The following SHD variants were observed in gnomAD, a reference collection of about 807,000 sequenced individuals.
SHD encodes SH2 domain-containing adapter protein D.
SHD carries 29 observed loss-of-function variants against 31.2 expected under a neutral mutation model. The ratio of observed to expected loss-of-function variants is 0.93; its 90% CI spans 0.69 to 1.27. The LOEUF (loss-of-function observed/expected upper bound fraction) is 1.27, where lower values mean the gene tolerates loss of function less well. Ranked by LOEUF, SHD falls within the 50% of genes most tolerant of loss-of-function variation. SHD has a pLI of 0.00. For synonymous variants in SHD, 208 were observed against 187.8 expected (o/e 1.11, Z -0.88); for missense variants, 520 against 453.8 (o/e 1.15, Z -1.33).
At position 4,279,971 on chromosome 19, in the gene SHD, T is replaced by TCCACCTCCTCCTCCTCC; in HGVS notation, c.-92_-76dup. The TCCACCTCCTCCTCCTCC allele has an allele frequency of 7.1e-6, 10 of 1,410,076 alleles. No individual in the cohort carries two copies. Among genetic ancestry groups the TCCACCTCCTCCTCCTCC allele is most frequent in the Non-Finnish European group, 9.4e-6 (10 of 1,058,480 alleles). The allele number at this position is 1,410,076 out of a possible 1,614,324, so 87.3% of individuals were successfully genotyped here. On this transcript the variant is annotated 5_prime_UTR_variant, in exon 1 of 6. Transcript: ENST00000543264. The surrounding 1 kb of genome is among the most constrained non-coding windows in gnomAD (Gnocchi z 7.5). ...ATCCTTCCCTGCTCTTCCCTTCCTC[T>TCCACCTCCTCCTCCTCC]CCACCTCCTCCTCCTCCTTGGGGAA...
In SHD at chr19:4,283,232, G is replaced by A. The variant is rs201280245; in HGVS notation, c.582G>A (p.Arg194=). 3.1e-6 allele frequency: 5 copies of A among 1,611,918 alleles called. No individual in the cohort carries two copies. The highest frequency in any genetic ancestry group is 4.2e-6 in the Non-Finnish European group (5 of 1,178,226). The stretch of plus-strand genomic sequence containing the variant: ...AGTGGAAGAAAGACCACATCTCCAG[G>A]GCGTTTGCAGGTGCTTCTCAGACCC... ...PWEWKKDHIS[R]AFAVQFDSPE... Residue 194 remains arginine (R), a synonymous_variant, in exon 3 of 6, where the codon AGG becomes AGA. Transcript: ENST00000543264.
intron 5 of SHD, 51 bp downstream of exon 5, chr19:4,288,413 C>T: frequency 6.4e-7 from 1 of 1,568,938 alleles, no homozygotes. Flanking sequence ...GCGTGAGTCA[C>T]CCTTTTGGGT....
chr19:4,284,617 G>T, intron 3 of SHD, 164 bp from the exon 4 acceptor site: 1 of 724,516 alleles, frequency 1.4e-6, no homozygotes, highest in East Asian at 3.0e-5. Flanking sequence ...CCAAAAGGTT[G>T]CACCTGTGGC....
intron 4 of SHD, 111 bp from the exon 5 acceptor site, chr19:4,288,132 T>C: frequency 1.5e-6 from 2 of 1,311,484 alleles, no homozygotes; most frequent in East Asian, 2.6e-5. Context: ...TTCGAACTCC[T>C]GACCTCAGGC....
At chr19:4,280,390 G>T in intron 1 of SHD, 30 bp downstream of exon 1, 3 of 1,530,906 alleles carry the variant, frequency 2.0e-6, no homozygotes, top group Non-Finnish European at 2.6e-6. Context: ...GGGGAGACTG[G>T]GTGGAGGGGA....
rs761354510 is a variant in SHD, at chr19:4,279,795, GT to G, written c.-268del. The G allele has an allele frequency of 5.5e-5, 27 of 494,468 alleles. No homozygotes were observed. In the Middle Eastern group the frequency reaches 2.2e-3, roughly 39 times the overall value. 30.6% of individuals were successfully genotyped at this position (494,468 alleles called of 1,614,324 possible). A position where few individuals can be genotyped will look rare whatever the true frequency, so the allele number is the denominator to read the frequency against. On this transcript the variant is annotated 5_prime_UTR_variant, in exon 1 of 6. An upstream open reading frame in the 5' UTR loses its in-frame stop. Coordinates refer to ENST00000543264, the MANE Select transcript of SHD (RefSeq NM_020209.4). The surrounding 1 kb of genome is among the most constrained non-coding windows in gnomAD (Gnocchi z 7.5). ...CGCGCGGGGTTCGGGGCCCTGCGAG[GT>G]CCCCCCTTCCCCCGCGGTGCTTCCC...
rs940550933 is a variant in SHD, at chr19:4,279,486, G to A, written c.-578G>A. The A allele has an allele frequency of 6.6e-6, 1 of 152,302 alleles. No homozygotes were observed. The highest frequency in any genetic ancestry group is 1.5e-5 in the Non-Finnish European group (1 of 68,104). 9.4% of individuals were successfully genotyped at this position (152,302 alleles called of 1,614,324 possible). ...GGGGCTCCCCGCTGAGCCGAGAGGA[G>A]CGCGACAAAGGATGCGTCCCGCCGG... On this transcript the variant is annotated 5_prime_UTR_variant, in exon 1 of 6. Coordinates refer to ENST00000543264, the MANE Select transcript of SHD (RefSeq NM_020209.4). The surrounding 1 kb of genome is among the most constrained non-coding windows in gnomAD (Gnocchi z 7.5).
At chr19:4,283,826 C>A (rs1432130899) in intron 3 of SHD, among the ~76,000 whole-genome samples, 3 of 151,140 alleles carry the variant, frequency 2.0e-5, no homozygotes, top group African/African-American at 7.3e-5. Context: ...GATCCACCCG[C>A]CTCGGCCTCC....
intron 5 of SHD, 83 bp downstream of exon 5, chr19:4,288,445 G>T (rs1341590260): frequency 1.4e-6 from 2 of 1,431,608 alleles, no homozygotes; most frequent in Non-Finnish European, 9.4e-7. Context: ...GAAGGGGAGG[G>T]TGTGGCTCCC....
chr19:4,289,297 G>C (rs1197716681), intron 5 of SHD, among the ~76,000 whole-genome samples: 4 of 150,682 alleles, frequency 2.7e-5, no homozygotes, highest in African/African-American at 7.3e-5. Flanking sequence ...ATTTTTAGTA[G>C]AGACGGGGTT....
intron 4 of SHD, among the ~76,000 whole-genome samples, chr19:4,286,261 CTCTTTCTTTCTTTCTTTCTTTTTTTCT>C (rs1568369420): frequency 2.4e-4 from 24 of 99,220 alleles, no homozygotes; most frequent in African/African-American, 7.7e-4. Context: ...CTTTCTTTCT[CTCTTTCTTTCTTTCTTTCTTTTTTTCT>C]TTCCTTCCTT....
intron 4 of SHD, 91 bp downstream of exon 4, chr19:4,284,995 A>G: frequency 7.5e-7 from 1 of 1,339,034 alleles, no homozygotes; most frequent in South Asian, 1.9e-5. Context: ...TTCCCAGATT[A>G]GAGGAACTGG....
intron 5 of SHD, among the ~76,000 whole-genome samples, chr19:4,289,445 C>T (rs1971353931): frequency 6.6e-6 from 1 of 151,766 alleles, no homozygotes; most frequent in Non-Finnish European, 1.5e-5. Flanking sequence ...AGGGTTTCGC[C>T]ATGTTGGCCA....
At chr19:4,289,144 T>C (rs1163522797) in intron 5 of SHD, among the ~76,000 whole-genome samples, 1 of 127,710 alleles carries the variant, frequency 7.8e-6, no homozygotes. Flanking sequence ...GGAGTCTAGC[T>C]CTGTCACCCA....
chr19:4,284,729 CCCCCCAAGGTAGGCTGGACTTAA>C, intron 3 of SHD, 29 bp from the exon 4 acceptor site: 1 of 1,438,302 alleles, frequency 7.0e-7, no homozygotes, highest in South Asian at 1.6e-5. Context: ...CCCTGCCCCG[CCCCCCAAGGTAGGCTGGACTTAA>C]CCCTTTCCTC....
At position 4,289,301 on chromosome 19, in the gene SHD, C is replaced by T. The variant is rs865835400; in HGVS notation, c.836+939C>T. On this transcript the variant is annotated intron_variant, in intron 5 of 5. Transcript: ENST00000543264. Reference sequence around the variant, plus strand: ...AATTTTTTTGTATTTTTAGTAGAGACGGGGTTTCACTGTGTTAGCCAGGAT... The same window carrying T: ...AATTTTTTTGTATTTTTAGTAGAGATGGGGTTTCACTGTGTTAGCCAGGAT... 1.9e-3 allele frequency among the ~76,000 whole-genome samples: 279 copies of T among 150,378 alleles called. 1 individual carries two copies. Among genetic ancestry groups the T allele is most frequent in the African/African-American group, 6.6e-3 (272 of 41,100 alleles).
chr19:4,284,938 T>G (rs762077434), intron 4 of SHD, 34 bp downstream of exon 4: 2 of 1,560,324 alleles, frequency 1.3e-6, no homozygotes, highest in Non-Finnish European at 1.7e-6. Context: ...AAGAGCCCCG[T>G]TGAACGTATC....
intron 1 of SHD, among the ~76,000 whole-genome samples, chr19:4,282,574 G>C (rs1971266899): frequency 6.6e-6 from 1 of 152,050 alleles, no homozygotes; most frequent in Non-Finnish European, 1.5e-5. Context: ...AAGTTAGCCA[G>C]GCATGGTGGC....
chr19:4,282,974 T>C lies in SHD; in HGVS notation c.402T>C (p.Ser134=), dbSNP rs1379586666. The change falls in exon 2 of 6, where the codon AGT becomes AGC. Residue 134 remains serine (S), a splice_region_variant and synonymous_variant. Transcript: ENST00000543264. ...CCTACGATGCCCAATGGGTCATGAG[T>C]GGTGAGTAGGCACGGCTTGGGGGAA... ...MEPYDAQWVM[S]ELPGRGVQLY... is the part of the protein sequence containing the mutation. 1.9e-6 allele frequency: 3 copies of C among 1,613,552 alleles called. No homozygotes were observed. The highest frequency in any genetic ancestry group is 1.7e-5 in the Admixed American group (1 of 59,888).
Sources: gnomAD v4.1 joint callset for allele counts (sites outside exome capture counted in the v4.1 genomes callset) on GRCh38, gnomAD v4.1.1 for gene constraint, Gnocchi (gnomAD v3.1) non-coding constraint, MANE v1.5 for transcripts, NCBI Gene and HGNC (gene_info 2026-07-23, HGNC 2026-07-21) for gene names.